The following SH3BGRL2 variants were observed in gnomAD, a reference collection of about 807,000 sequenced individuals.
The protein encoded by SH3BGRL2 is SH3 domain binding glutamate rich protein like 2.
SH3BGRL2 carries 21 observed loss-of-function variants against 14.8 expected under a neutral mutation model. That is an observed-to-expected ratio of 1.42 (90% CI 1.01 to 2.05). The LOEUF is 2.05. Ranked by LOEUF, SH3BGRL2 falls within the 30% of genes most tolerant of loss-of-function variation. The pLI is 0.00. For synonymous variants in SH3BGRL2, 50 were observed against 47.8 expected (o/e 1.05, Z -0.19); for missense variants, 147 against 130.8 (o/e 1.12, Z -0.61).
upstream of SH3BGRL2, among the ~76,000 whole-genome samples, chr6:79,629,111 G>A (rs191996929): frequency 6.6e-5 from 10 of 152,306 alleles, no homozygotes; most frequent in Non-Finnish European, 1.2e-4. Flanking sequence ...AGGTAGCCAC[G>A]TGCATTTGAC....
At chr6:79,620,569 C>A in the SH3BGRL2 span, among the ~76,000 whole-genome samples, 1 of 151,542 alleles carries the variant, frequency 6.6e-6, no homozygotes. Context: ...TCCTTTTTAA[C>A]CTTTAAGTCA....
the SH3BGRL2 span, among the ~76,000 whole-genome samples, chr6:79,597,809 G>A: frequency 5.3e-5 from 8 of 152,150 alleles, no homozygotes; most frequent in Admixed American, 3.3e-4. Context: ...ATACCATCAA[G>A]AAAGTGAAAA....
intron 1 of SH3BGRL2, among the ~76,000 whole-genome samples, chr6:79,631,817 C>G (rs906813555): frequency 6.6e-6 from 1 of 152,220 alleles, no homozygotes. Context: ...ACGGGTTGTT[C>G]AAGAGCTTCG....
At chr6:79,631,294 T>C (rs1189239550), upstream of SH3BGRL2, 3 of 495,204 alleles carry the variant, frequency 6.1e-6, no homozygotes, top group Admixed American at 4.4e-5. Flanking sequence ...CGGGCGGCGC[T>C]GGGCTTTTAT....
At chr6:79,538,208 A>G in the SH3BGRL2 span, among the ~76,000 whole-genome samples, 1 of 151,812 alleles carries the variant, frequency 6.6e-6, no homozygotes, top group African/African-American at 2.4e-5. Context: ...CTGATTATCA[A>G]GGTGGTTTAA....
chr6:79,573,593 TC>T, the SH3BGRL2 span, among the ~76,000 whole-genome samples: 2 of 152,182 alleles, frequency 1.3e-5, no homozygotes, highest in Non-Finnish European at 2.9e-5. Context: ...AAAATTGATA[TC>T]TTTATGTTCC....
At chr6:79,592,802 A>G in the SH3BGRL2 span, among the ~76,000 whole-genome samples, 1 of 152,236 alleles carries the variant, frequency 6.6e-6, no homozygotes, top group East Asian at 1.9e-4. Context: ...GGTAGGTCCT[A>G]TTATTATTTC....
At chr6:79,690,377 G>A (rs1770188222) in intron 2 of SH3BGRL2, among the ~76,000 whole-genome samples, 1 of 152,094 alleles carries the variant, frequency 6.6e-6, no homozygotes, top group African/African-American at 2.4e-5. Flanking sequence ...CAAGTTACTA[G>A]CCCTCAATTT....
At chr6:79,661,323 A>G (rs1185488363) in intron 1 of SH3BGRL2, among the ~76,000 whole-genome samples, 1 of 152,144 alleles carries the variant, frequency 6.6e-6, no homozygotes, top group African/African-American at 2.4e-5. Context: ...AGATTCTGGT[A>G]TGTTGTGCCT....
At chr6:79,590,733 A>G in the SH3BGRL2 span, among the ~76,000 whole-genome samples, 4 of 151,918 alleles carry the variant, frequency 2.6e-5, no homozygotes, top group Non-Finnish European at 5.9e-5. Flanking sequence ...ACTATGCTCA[A>G]TACCTGGGTA....
chr6:79,676,643 A>G (rs62411075), intron 2 of SH3BGRL2, among the ~76,000 whole-genome samples: 50,113 of 125,808 alleles, frequency 0.4, 9,134 homozygotes, highest in South Asian at 0.49. Context: ...GTGTGTGTAT[A>G]TATATATAAT....
At chr6:79,663,624 G>C (rs200324579) in intron 1 of SH3BGRL2, among the ~76,000 whole-genome samples, 3 of 152,344 alleles carry the variant, frequency 2.0e-5, no homozygotes, top group South Asian at 4.1e-4. Context: ...ACAGGGATCA[G>C]GGACCCACTT....
chr6:79,582,107 TA>T, the SH3BGRL2 span, among the ~76,000 whole-genome samples: 158 of 152,240 alleles, frequency 1.0e-3, no homozygotes, highest in African/African-American at 3.7e-3. Flanking sequence ...CAAGGAGAAC[TA>T]CAAACCTCTG....
chr6:79,580,413 G>A, the SH3BGRL2 span, among the ~76,000 whole-genome samples: 1 of 152,124 alleles, frequency 6.6e-6, no homozygotes, highest in African/African-American at 2.4e-5. Flanking sequence ...CTCAGCAAAT[G>A]TAAAAGAACA....
At chr6:79,593,863 G>A in the SH3BGRL2 span, among the ~76,000 whole-genome samples, 1 of 151,988 alleles carries the variant, frequency 6.6e-6, no homozygotes, top group Non-Finnish European at 1.5e-5. Context: ...ATGAAATTAA[G>A]ACATGACAGC....
chr6:79,559,739 C>G, the SH3BGRL2 span, among the ~76,000 whole-genome samples: 3 of 152,126 alleles, frequency 2.0e-5, no homozygotes, highest in Non-Finnish European at 4.4e-5. Flanking sequence ...CACCCTTATT[C>G]TTAGAGAATA....
the SH3BGRL2 span, among the ~76,000 whole-genome samples, chr6:79,590,615 A>G: frequency 2.3e-4 from 35 of 151,676 alleles, no homozygotes; most frequent in East Asian, 5.4e-3. Context: ...GGAGCTAAAC[A>G]CTGAGTATAT....
the SH3BGRL2 span, among the ~76,000 whole-genome samples, chr6:79,600,803 C>A: frequency 6.6e-6 from 1 of 152,258 alleles, no homozygotes; most frequent in Non-Finnish European, 1.5e-5. Flanking sequence ...GAAGTGGGTT[C>A]CCAGCTTCTT....
intron 2 of SH3BGRL2, among the ~76,000 whole-genome samples, chr6:79,674,911 G>A (rs1171313457): frequency 2.0e-5 from 3 of 152,002 alleles, no homozygotes; most frequent in Admixed American, 1.3e-4. Flanking sequence ...CTTTGTGATC[G>A]TTTCAAAAGC....
Sources: allele counts gnomAD v4.1 joint callset (sites outside exome capture counted in the v4.1 genomes callset), GRCh38; gene constraint gnomAD v4.1.1; transcripts MANE v1.5; gene names NCBI Gene and HGNC (gene_info 2026-07-23, HGNC 2026-07-21).